GGA3: variants seen among roughly 807,000 people sequenced by gnomAD.
GGA3 encodes the protein ADP-ribosylation factor-binding protein GGA3.
GGA3 carries 57 observed loss-of-function variants against 77.5 expected under a neutral mutation model. That is an observed-to-expected ratio of 0.74 (90% CI 0.59 to 0.92). The LOEUF is 0.92. Among genes scored for constraint, GGA3 ranks in the 40% least tolerant of loss-of-function variants. The pLI is 0.00. For missense variants in GGA3, 970 were observed against 914.9 expected (o/e 1.06, Z -0.78); for synonymous variants, 416 against 383.7 (o/e 1.08, Z -0.98).
At chr17:75,261,418 CGCG>C in intron 1 of GGA3, 127 bp downstream of exon 1, 2 of 644,922 alleles carry the variant, frequency 3.1e-6, no homozygotes, top group Non-Finnish European at 4.6e-6. Flanking sequence ...GCAGGCTGCT[CGCG>C]GCGAGGGCGA....
In GGA3 at chr17:75,239,100, T is replaced by C. The variant is rs1265704162; in HGVS notation, c.1781-17A>G. The C allele has an allele frequency of 1.2e-6, 2 of 1,608,686 alleles. No homozygotes were observed. The highest frequency in any genetic ancestry group is 1.7e-6 in the Non-Finnish European group (2 of 1,178,410). On this transcript the variant is annotated splice_polypyrimidine_tract_variant and intron_variant, in intron 14 of 16. Transcript: ENST00000537686. The stretch of plus-strand genomic sequence containing the variant: ...GGGCACTGCCTGTAAGAACGTGACG[T>C]GAGTGTGGGAGGAGCAGCACCAGAG...
At chr17:75,243,250 G>A in intron 5 of GGA3, 84 bp from the exon 6 acceptor site, 1 of 1,176,228 alleles carries the variant, frequency 8.5e-7, no homozygotes, top group Non-Finnish European at 1.2e-6. Context: ...ACGTCCCTGT[G>A]ATCAAGACCT....
intron 1 of GGA3, among the ~76,000 whole-genome samples, chr17:75,258,947 T>C (rs1014994346): frequency 2.0e-5 from 3 of 146,986 alleles, no homozygotes; most frequent in African/African-American, 8.1e-5. Context: ...AGCACTGCCT[T>C]GTATCTTTTT....
At chr17:75,249,171 G>A (rs1051395600) in intron 1 of GGA3, among the ~76,000 whole-genome samples, 3 of 150,758 alleles carry the variant, frequency 2.0e-5, no homozygotes, top group Admixed American at 6.6e-5. Flanking sequence ...TCAGCCTCCC[G>A]AGTAGCTGGG....
rs759486547 is a variant in GGA3 at position 75,238,356 on chromosome 17, C to T, written c.2095G>A (p.Ala699Thr). Residue 699 changes from alanine (A) to threonine (T), a missense_variant, in exon 17 of 17, where the codon GCC (alanine) becomes ACC (threonine). Transcript: ENST00000537686. Reference sequence around the variant, plus strand: ...TCTGTGCTCAGCTGCTCCCCCAGGGCGAAGGTCAGCTTATACCGAAGCCGC... The same window carrying T: ...TCTGTGCTCAGCTGCTCCCCCAGGGTGAAGGTCAGCTTATACCGAAGCCGC... ...KVRLRYKLTFALGEQLSTEVG... is the reference protein window; with the variant it reads ...KVRLRYKLTFTLGEQLSTEVG... 5 of 1,613,752 alleles carry T rather than the reference C, an allele frequency of 3.1e-6. No homozygotes were observed. Among genetic ancestry groups the T allele is most frequent in the Admixed American group, 3.3e-5 (2 of 59,988 alleles).
chr17:75,260,043 G>A (rs1402950171), intron 1 of GGA3, among the ~76,000 whole-genome samples: 1 of 152,216 alleles, frequency 6.6e-6, no homozygotes, highest in East Asian at 1.9e-4. Flanking sequence ...CAGCTACTCA[G>A]GAGGCTGAGG....
Position 75,243,053 on chromosome 17 carries a change from T to G in GGA3, c.528+10A>C. On this transcript the variant is annotated intron_variant, in intron 6 of 16. Transcript: ENST00000537686. ...GTATGAGAAAATCCCAGGCCCAGGG[T>G]GTCCTTTACCTTGGACTTCTCCTCA... 1 of 1,596,264 alleles carries G rather than the reference T, an allele frequency of 6.3e-7. No individual in the cohort carries two copies. Among genetic ancestry groups the G allele is most frequent in the Non-Finnish European group, 8.6e-7 (1 of 1,163,838 alleles).
Position 75,240,941 on chromosome 17 carries a change from T to C in GGA3, c.1063A>G (p.Ile355Val), listed in dbSNP as rs750687241. ...GAGGCCTGGGGTGGTGGAGGGAGGA[T>C]TGGGATGCCTGAGGAGGGTGGAGTA... ...APTPPSSGIP[I>V]LPPPPQASGP... Residue 355 changes from isoleucine to valine, a missense_variant, in exon 11 of 17, where the codon ATC (isoleucine) becomes GTC (valine). Physicochemically the swap from Ile to Val is conservative, Grantham distance 29. Coordinates refer to ENST00000537686, the MANE Select transcript of GGA3 (RefSeq NM_138619.4). The C allele has an allele frequency of 6.2e-6, 10 of 1,613,054 alleles. No individual in the cohort carries two copies. The South Asian group carries it at 6.6e-5, about 11-fold the overall frequency.
rs752151843 is a variant in GGA3, at chr17:75,241,701, AAG to A, written c.748-7_748-6del. ...CTCACACTGATCAAACAGCTCCTGA[AAG>A]AGACTCGGACATAAAAATCAAACCA... On this transcript the variant is annotated splice_polypyrimidine_tract_variant and splice_region_variant and intron_variant, in intron 8 of 16. Coordinates refer to ENST00000537686, the MANE Select transcript of GGA3 (RefSeq NM_138619.4). The A allele has an allele frequency of 6.2e-7, 1 of 1,613,080 alleles. No homozygotes were observed. The highest frequency in any genetic ancestry group is 8.5e-7 in the Non-Finnish European group (1 of 1,179,042).
chr17:75,254,808 C>T (rs1429278444), intron 1 of GGA3, among the ~76,000 whole-genome samples: 1 of 152,186 alleles, frequency 6.6e-6, no homozygotes, highest in African/African-American at 2.4e-5. Flanking sequence ...ACCGCAGTGG[C>T]CAGGCATTCC....
intron 1 of GGA3, among the ~76,000 whole-genome samples, chr17:75,247,236 T>TA (rs1376521738): frequency 5.3e-5 from 8 of 151,348 alleles, no homozygotes; most frequent in Non-Finnish European, 1.2e-4. Flanking sequence ...CTGAACTAGA[T>TA]AAAAAAATAC....
chr17:75,258,819 T>C (rs1489333460), intron 1 of GGA3, among the ~76,000 whole-genome samples: 1 of 64,470 alleles, frequency 1.6e-5, no homozygotes, highest in Non-Finnish European at 4.0e-5. Flanking sequence ...CACATCACCA[T>C]CTAGTGTTTT....
At chr17:75,244,962 C>T (rs931446885) in intron 3 of GGA3, among the ~76,000 whole-genome samples, 3 of 152,266 alleles carry the variant, frequency 2.0e-5, no homozygotes, top group East Asian at 3.9e-4. Flanking sequence ...CAAGAAACCC[C>T]GAGACCCCGA....
chr17:75,252,293 T>A (rs1338738292), intron 1 of GGA3, among the ~76,000 whole-genome samples: 1 of 151,780 alleles, frequency 6.6e-6, no homozygotes. Flanking sequence ...TAGGCGATCA[T>A]GGCTCACTGT....
At chr17:75,258,083 C>G (rs968749351) in intron 1 of GGA3, among the ~76,000 whole-genome samples, 1 of 152,182 alleles carries the variant, frequency 6.6e-6, no homozygotes, top group African/African-American at 2.4e-5. Context: ...TGAGAATGTA[C>G]TTTGTGAGAT....
At chr17:75,259,003 G>A (rs1035186430) in intron 1 of GGA3, among the ~76,000 whole-genome samples, 1 of 149,770 alleles carries the variant, frequency 6.7e-6, no homozygotes, top group African/African-American at 2.5e-5. Context: ...ACCGAGGCTG[G>A]AGTGCAGTGG....
At chr17:75,260,628 T>A (rs2077325484) in intron 1 of GGA3, among the ~76,000 whole-genome samples, 1 of 152,130 alleles carries the variant, frequency 6.6e-6, no homozygotes, top group African/African-American at 2.4e-5. Context: ...ATAAGAGACC[T>A]CAGAACAAGG....
At chr17:75,241,864 C>T (rs1031435204) in intron 8 of GGA3, 168 bp from the exon 9 acceptor site, 14 of 656,412 alleles carry the variant, frequency 2.1e-5, no homozygotes, top group African/African-American at 3.6e-5. Flanking sequence ...CCACCACCAC[C>T]ACACCACATC....
chr17:75,261,876 T>C (rs371192176), upstream of GGA3: 60 of 1,604,362 alleles, frequency 3.7e-5, no homozygotes, highest in South Asian at 2.3e-4. Context: ...GGGCAGTCCT[T>C]GTGGGGTCCT....
Sources: allele counts gnomAD v4.1 joint callset (sites outside exome capture counted in the v4.1 genomes callset), GRCh38; gene constraint gnomAD v4.1.1; transcripts MANE v1.5; gene names NCBI Gene and HGNC (gene_info 2026-07-23, HGNC 2026-07-21).